The following CDH12 variants were observed in gnomAD, a reference collection of about 807,000 sequenced individuals.
CDH12 encodes cadherin-12.
Under a neutral mutation model 74.1 loss-of-function variants are expected in CDH12, and 41 were observed. The observed-to-expected ratio is 0.55, with a 90% CI of 0.43 to 0.72. The LOEUF (loss-of-function observed/expected upper bound fraction) is 0.72, where lower values mean the gene tolerates loss of function less well. CDH12 is among the 30% of genes least tolerant of loss of function. CDH12 has a pLI of 0.00. For missense variants in CDH12, 945 were observed against 977.2 expected (o/e 0.97, Z 0.44); for synonymous variants, 399 against 355.0 (o/e 1.12, Z -1.39).
chr5:22,362,133 G>A (rs1740831080), intron 3 of CDH12, among the ~76,000 whole-genome samples: 1 of 152,164 alleles, frequency 6.6e-6, no homozygotes, highest in Non-Finnish European at 1.5e-5. Context: ...AACCGTCAGA[G>A]TGAATAGACA....
At chr5:21,983,893 ATTTC>A (rs971321992) in intron 5 of CDH12, among the ~76,000 whole-genome samples, 1 of 152,088 alleles carries the variant, frequency 6.6e-6, no homozygotes, top group Non-Finnish European at 1.5e-5. Context: ...CATTTTCAGG[ATTTC>A]TTTAAGTGTT....
At chr5:22,128,867 A>G (rs1746025189) in intron 4 of CDH12, among the ~76,000 whole-genome samples, 1 of 152,212 alleles carries the variant, frequency 6.6e-6, no homozygotes, top group Admixed American at 6.5e-5. Context: ...TTTGCATGTC[A>G]TGATTCTTAC....
At chr5:22,757,157 C>A (rs2127047738) in intron 1 of CDH12, among the ~76,000 whole-genome samples, 1 of 152,200 alleles carries the variant, frequency 6.6e-6, no homozygotes. Context: ...CTCCATGTAA[C>A]TTTTCTTCTT....
chr5:22,669,900 TG>T (rs149404561), intron 1 of CDH12, among the ~76,000 whole-genome samples: 17,859 of 152,170 alleles, frequency 0.12, 1,369 homozygotes, highest in Admixed American at 0.2. Context: ...GTCAAAACTA[TG>T]AAGTAGTGAG....
intron 3 of CDH12, among the ~76,000 whole-genome samples, chr5:22,398,480 C>A (rs965284843): frequency 6.6e-6 from 1 of 152,012 alleles, no homozygotes; most frequent in Admixed American, 6.6e-5. Flanking sequence ...GTCTTTAAGA[C>A]GGAGATAATA....
At chr5:22,825,381 G>A (rs1009034223) in intron 1 of CDH12, among the ~76,000 whole-genome samples, 1 of 152,174 alleles carries the variant, frequency 6.6e-6, no homozygotes, top group Non-Finnish European at 1.5e-5. Context: ...TAGGATGGTA[G>A]AGTGAGCAAG....
intron 5 of CDH12, among the ~76,000 whole-genome samples, chr5:22,026,107 C>T (rs777615859): frequency 3.7e-4 from 56 of 152,152 alleles, no homozygotes; most frequent in Non-Finnish European, 6.0e-4. Flanking sequence ...TTCTCAATAG[C>T]ATCTGGAATG....
intron 2 of CDH12, among the ~76,000 whole-genome samples, chr5:22,450,620 T>C (rs1294465893): frequency 2.0e-5 from 3 of 151,996 alleles, no homozygotes; most frequent in Admixed American, 6.6e-5. Flanking sequence ...AAATTTGTTA[T>C]GTTACCTAAA....
intron 3 of CDH12, among the ~76,000 whole-genome samples, chr5:22,322,363 A>AT (rs202246097): frequency 0.036 from 3,546 of 99,240 alleles, 139 homozygotes; most frequent in African/African-American, 0.15. Flanking sequence ...TTTCAGCTTT[A>AT]TTTAAAAAAA....
intron 1 of CDH12, among the ~76,000 whole-genome samples, chr5:22,766,235 C>T (rs1424743578): frequency 1.8e-4 from 28 of 151,904 alleles, no homozygotes; most frequent in Admixed American, 1.8e-3. Context: ...AATTTGCATA[C>T]CACTCACAGA....
At chr5:22,625,578 C>A (rs940765594) in intron 1 of CDH12, among the ~76,000 whole-genome samples, 2 of 152,140 alleles carry the variant, frequency 1.3e-5, no homozygotes, top group East Asian at 3.9e-4. Flanking sequence ...TTGCCAAGCT[C>A]CTTTAGCTGG....
intron 1 of CDH12, among the ~76,000 whole-genome samples, chr5:22,563,083 T>TAGATTTATATATTTATATAC (rs1739139143): frequency 6.8e-6 from 1 of 147,704 alleles, no homozygotes; most frequent in East Asian, 1.9e-4. Flanking sequence ...TATTTATATA[T>TAGATTTATATATTTATATAC]ATATATGTAA....
At chr5:22,222,546 T>C (rs1034321091) in intron 3 of CDH12, among the ~76,000 whole-genome samples, 1 of 151,964 alleles carries the variant, frequency 6.6e-6, no homozygotes, top group Non-Finnish European at 1.5e-5. Flanking sequence ...GTTATTTTTT[T>C]CTTTTCTAAA....
chr5:22,706,362 GATTCATAAATCATAATTC>G (rs1386803737), intron 1 of CDH12, among the ~76,000 whole-genome samples: 2 of 151,706 alleles, frequency 1.3e-5, no homozygotes, highest in Non-Finnish European at 2.9e-5. Flanking sequence ...TCTATATAAG[GATTCATAAATCATAATTC>G]ATTCATAAAT....
intron 1 of CDH12, among the ~76,000 whole-genome samples, chr5:22,791,817 C>G (rs1296386617): frequency 6.6e-6 from 1 of 152,106 alleles, no homozygotes; most frequent in Non-Finnish European, 1.5e-5. Flanking sequence ...TACTCACTAT[C>G]ACAAGAATAG....
intron 2 of CDH12, among the ~76,000 whole-genome samples, chr5:22,495,487 T>C (rs914468629): frequency 6.6e-6 from 1 of 152,192 alleles, no homozygotes; most frequent in Non-Finnish European, 1.5e-5. Flanking sequence ...ACCTTATGTC[T>C]GTCAAGAGTT....
At chr5:22,364,671 C>T (rs1561346960) in intron 3 of CDH12, among the ~76,000 whole-genome samples, 1 of 152,072 alleles carries the variant, frequency 6.6e-6, no homozygotes, top group Non-Finnish European at 1.5e-5. Context: ...CTAGTCACTA[C>T]CTAATAATTG....
intron 1 of CDH12, among the ~76,000 whole-genome samples, chr5:22,509,442 T>C (rs187423745): frequency 3.7e-4 from 56 of 152,260 alleles, no homozygotes; most frequent in Admixed American, 1.4e-3. Context: ...CACCTTTCAG[T>C]GACATTAACT....
chr5:22,692,664 T>G (rs1742146013), intron 1 of CDH12, among the ~76,000 whole-genome samples: 1 of 152,204 alleles, frequency 6.6e-6, no homozygotes, highest in Admixed American at 6.5e-5. Context: ...ATGATGACAG[T>G]GTTCTTTTGA....
Sources: gnomAD v4.1 joint callset for allele counts (sites outside exome capture counted in the v4.1 genomes callset) on GRCh38, gnomAD v4.1.1 for gene constraint, MANE v1.5 for transcripts, NCBI Gene and HGNC (gene_info 2026-07-23, HGNC 2026-07-21) for gene names.